Variants in P4HA2 observed in about 807,000 individuals in gnomAD.
P4HA2 encodes the protein prolyl 4-hydroxylase subunit alpha 2.
A neutral mutation model predicts 76.9 loss-of-function variants in P4HA2; 46 were observed. That is an observed-to-expected ratio of 0.60 (90% CI 0.47 to 0.76). The LOEUF is 0.76. Ranked by LOEUF, P4HA2 falls within the 30% of genes least tolerant of loss-of-function variation. The pLI, the probability that P4HA2 is intolerant of heterozygous loss-of-function variation, is 0.00. For missense variants in P4HA2, 583 were observed against 669.4 expected (o/e 0.87, Z 1.42); for synonymous variants, 243 against 254.0 (o/e 0.96, Z 0.41).
rs531381731 is a variant in P4HA2 at position 132,216,474 on chromosome 5, T to C, written c.331+723A>G. Among the ~76,000 whole-genome samples the C allele has an allele frequency of 2.6e-5, 4 of 152,248 alleles. No individual in the cohort carries two copies. In the South Asian group the frequency reaches 8.3e-4, roughly 32 times the overall value. ...TCCCATATCCAATGACTTGACCCAT[T>C]TGACAGTATTATCAGTATGACAGAT... On this transcript the variant is annotated intron_variant, in intron 4 of 14. Transcript: ENST00000360568.
In P4HA2 at chr5:132,192,863, T is replaced by G; in HGVS notation, c.*147A>C. ...GGCTGGGACTTCAGTCACACAGGAG[T>G]CGCCCTAGTATGGTCTCCCTCTGCT... On this transcript the variant is annotated 3_prime_UTR_variant, in exon 15 of 15. Coordinates refer to ENST00000360568, the MANE Select transcript of P4HA2 (RefSeq NM_001017974.2). The G allele has an allele frequency of 4.9e-6, 3 of 606,930 alleles. No individual in the cohort carries two copies. Among genetic ancestry groups the G allele is most frequent in the African/African-American group, 1.8e-5 (1 of 54,668 alleles). 37.6% of individuals were successfully genotyped at this position (606,930 alleles called of 1,614,324 possible).
chr5:132,212,447 AG>A (rs1753214482), intron 5 of P4HA2, among the ~76,000 whole-genome samples: 1 of 152,198 alleles, frequency 6.6e-6, no homozygotes, highest in Admixed American at 6.5e-5. Flanking sequence ...TAGAATCCAT[AG>A]GCCTTAGGCT....
In P4HA2 at chr5:132,213,826, G is replaced by A. The variant is rs1753452407; in HGVS notation, c.469+90C>T. 19 of 1,310,238 alleles carry A rather than the reference G, an allele frequency of 1.5e-5. No homozygotes were observed. In the South Asian group the frequency reaches 2.5e-4, roughly 18 times the overall value. The allele number at this position is 1,310,238 out of a possible 1,614,324, so 81.2% of individuals were successfully genotyped here. Reference sequence around the variant, plus strand: ...GAGGTGCACCAGAGGTGCACCCGAGGTTAAAGGCCACAAGTTGGTGGTGGC... The same window carrying A: ...GAGGTGCACCAGAGGTGCACCCGAGATTAAAGGCCACAAGTTGGTGGTGGC... On this transcript the variant is annotated intron_variant, in intron 5 of 14. Transcript: ENST00000360568.
At chr5:132,201,212 C>T (rs1751433902) in intron 10 of P4HA2, 1 of 152,242 alleles carries the variant, frequency 6.6e-6, no homozygotes, top group African/African-American at 2.4e-5. Flanking sequence ...GAGGCTGAGA[C>T]ATCATGCAGC....
chr5:132,227,049 AC>A (rs1755501730), intron 1 of P4HA2: 1 of 152,448 alleles, frequency 6.6e-6, no homozygotes, highest in African/African-American at 2.4e-5. Flanking sequence ...TCTACCAAGT[AC>A]CCACTGCCCG....
chr5:132,199,010 C>T (rs1344116408), intron 10 of P4HA2, 78 bp from the exon 11 acceptor site: 1 of 980,602 alleles, frequency 1.0e-6, no homozygotes, highest in Non-Finnish European at 1.6e-6. Flanking sequence ...GGGATACCAT[C>T]TTCCCAGGCC....
Position 132,195,680 on chromosome 5 carries a change from C to A in P4HA2, c.1366-200G>T, listed in dbSNP as rs549593910. ...AACCAGTGTGATTCATTAGAACAGT[C>A]TCCATGTCATGAGTGTTCAAGAGTT... On this transcript the variant is annotated intron_variant, in intron 12 of 14. Transcript: ENST00000360568. 1.6e-4 allele frequency: 96 copies of A among 608,062 alleles called. No homozygotes were observed. In the African/African-American group the frequency reaches 1.6e-3, roughly 10 times the overall value. The allele number at this position is 608,062 out of a possible 1,614,324, so 37.7% of individuals were successfully genotyped here. A position where few individuals can be genotyped will look rare whatever the true frequency, so the allele number is the denominator to read the frequency against.
chr5:132,226,039 G>T lies in P4HA2; in HGVS notation c.-19+1751C>A, dbSNP rs1283059756. Among the ~76,000 whole-genome samples, 4 of 151,982 alleles carry T rather than the reference G, an allele frequency of 2.6e-5. No homozygotes were observed. The East Asian group carries it at 7.7e-4, about 29-fold the overall frequency. ...TTCAAAGACCAAACATTCTGTGAGT[G>T]GGGAGAAGCAACCAGAGAGACTGGG... is the stretch of plus-strand genomic sequence containing the variant. On this transcript the variant is annotated intron_variant, in intron 1 of 14. Transcript: ENST00000360568.
chr5:132,190,828 A>C lies in P4HA2; in HGVS notation c.*2182T>G, dbSNP rs1472047851. On this transcript the variant is annotated 3_prime_UTR_variant, in exon 15 of 15. Coordinates refer to ENST00000360568, the MANE Select transcript of P4HA2 (RefSeq NM_001017974.2). Reference sequence around the variant, plus strand: ...AATATATAACAAAGAACTTGTGTACATATTTTAAAATTTGTATGAATAAGA... The same window carrying C: ...AATATATAACAAAGAACTTGTGTACCTATTTTAAAATTTGTATGAATAAGA... Among the ~76,000 whole-genome samples, 1 of 152,264 alleles carries C rather than the reference A, an allele frequency of 6.6e-6. No individual in the cohort carries two copies. The highest frequency in any genetic ancestry group is 1.5e-5 in the Non-Finnish European group (1 of 68,050).
intron 1 of P4HA2, 131 bp downstream of exon 1, chr5:132,227,659 G>T (rs1755583707): frequency 6.5e-6 from 1 of 152,896 alleles, no homozygotes; most frequent in Non-Finnish European, 1.5e-5. Flanking sequence ...CTAGCGGCGC[G>T]ACCCCCGGCC....
chr5:132,192,865 G>A lies in P4HA2; in HGVS notation c.*145C>T, dbSNP rs202213483. 3 of 623,270 alleles carry A rather than the reference G, an allele frequency of 4.8e-6. No homozygotes were observed. The highest frequency in any genetic ancestry group is 8.8e-6 in the Non-Finnish European group (3 of 339,214). The allele number at this position is 623,270 out of a possible 1,614,324, so 38.6% of individuals were successfully genotyped here. The stretch of plus-strand genomic sequence containing the variant: ...CTGGGACTTCAGTCACACAGGAGTC[G>A]CCCTAGTATGGTCTCCCTCTGCTCC... On this transcript the variant is annotated 3_prime_UTR_variant, in exon 15 of 15. Transcript: ENST00000360568.
At position 132,191,287 on chromosome 5, in the gene P4HA2, C is replaced by A. The variant is rs543672569; in HGVS notation, c.*1723G>T. 2.6e-3 allele frequency among the ~76,000 whole-genome samples: 388 copies of A among 152,008 alleles called. 3 individuals carry two copies. The highest frequency in any genetic ancestry group is 7.9e-3 in the African/African-American group (328 of 41,486). On this transcript the variant is annotated 3_prime_UTR_variant, in exon 15 of 15. Coordinates refer to ENST00000360568, the MANE Select transcript of P4HA2 (RefSeq NM_001017974.2). Reference sequence around the variant, plus strand: ...CAGCACTTTGGGAGGCCGAGGCGGGCGGATCACGAGGTCAGGAGATCGAGA... The same window carrying A: ...CAGCACTTTGGGAGGCCGAGGCGGGAGGATCACGAGGTCAGGAGATCGAGA...
chr5:132,206,577 A>G (rs1752242535), intron 8 of P4HA2, among the ~76,000 whole-genome samples: 1 of 152,222 alleles, frequency 6.6e-6, no homozygotes, highest in Non-Finnish European at 1.5e-5. Flanking sequence ...ATATGGCAGC[A>G]AATAGGTCTC....
intron 8 of P4HA2, 120 bp downstream of exon 8, chr5:132,207,588 C>A: frequency 1.3e-6 from 1 of 760,330 alleles, no homozygotes. Context: ...CCACGGTAGG[C>A]CCATGCTAGA....
chr5:132,211,451 C>G (rs1440446557), intron 5 of P4HA2, among the ~76,000 whole-genome samples: 1 of 152,180 alleles, frequency 6.6e-6, no homozygotes, highest in South Asian at 2.1e-4. Context: ...ATGGCTGACA[C>G]AAAAGAACTC....
At chr5:132,223,036 C>T (rs906488924) in intron 1 of P4HA2, among the ~76,000 whole-genome samples, 13 of 152,244 alleles carry the variant, frequency 8.5e-5, no homozygotes, top group African/African-American at 2.9e-4. Flanking sequence ...CTTGGTCTCA[C>T]CCATCTCCCA....
intron 1 of P4HA2, among the ~76,000 whole-genome samples, chr5:132,222,373 G>A (rs962024987): frequency 1.3e-5 from 2 of 152,080 alleles, no homozygotes; most frequent in Non-Finnish European, 2.9e-5. Flanking sequence ...GGCACCCTAG[G>A]CAAGTATGGG....
intron 7 of P4HA2, among the ~76,000 whole-genome samples, chr5:132,208,360 AGGGAGGGGAG>A (rs1752495319): frequency 1.4e-5 from 1 of 73,662 alleles, no homozygotes; most frequent in Non-Finnish European, 2.7e-5. Context: ...GAAGGGAGGG[AGGGAGGGGAG>A]GAGAGAGGAG....
chr5:132,197,930 G>T, intron 12 of P4HA2: 2 of 857,612 alleles, frequency 2.3e-6, no homozygotes, highest in Non-Finnish European at 2.8e-6. Context: ...AAATGGTTAA[G>T]ATGGTAAGTT....
Sources: allele counts gnomAD v4.1 joint callset (sites outside exome capture counted in the v4.1 genomes callset), GRCh38; gene constraint gnomAD v4.1.1; transcripts MANE v1.5; gene names NCBI Gene and HGNC (gene_info 2026-07-23, HGNC 2026-07-21).